THSD7B: variants seen among roughly 807,000 people sequenced by gnomAD.
THSD7B encodes thrombospondin type-1 domain-containing protein 7B.
In THSD7B, 138 loss-of-function variants were observed where a neutral mutation model predicts 213.6. That is an observed-to-expected ratio of 0.65 (90% CI 0.56 to 0.74). THSD7B has a LOEUF of 0.74. Among genes scored for constraint, THSD7B ranks in the 30% least tolerant of loss-of-function variants. The probability of loss-of-function intolerance (pLI) is 0.00; values close to 1 mark genes in which losing one functional copy is unlikely to be tolerated. For synonymous variants in THSD7B, 742 were observed against 687.0 expected (o/e 1.08, Z -1.25); for missense variants, 1,931 against 1,991.5 (o/e 0.97, Z 0.58).
At position 137,094,787 on chromosome 2, in the gene THSD7B, G is replaced by GT. The variant is rs536817307; in HGVS notation, c.951-78dup. ...TTAAACGCTTAAATCAAATTTCAGA[G>GT]TTTTTTTTCTCATGGTAGGCACTTT... On this transcript the variant is annotated intron_variant, in intron 3 of 27. Transcript: ENST00000409968. The GT allele has an allele frequency of 2.9e-4, 431 of 1,487,176 alleles. 1 individual carries two copies. In the African/African-American group the frequency reaches 4.7e-3, roughly 16 times the overall value. The allele number at this position is 1,487,176 out of a possible 1,614,324, so 92.1% of individuals were successfully genotyped here.
chr2:137,315,497 C>T lies in THSD7B; in HGVS notation c.2500+39471C>T, dbSNP rs372079056. Among the ~76,000 whole-genome samples the T allele has an allele frequency of 2.8e-4, 43 of 152,184 alleles. No homozygotes were observed. The East Asian group carries it at 4.1e-3, about 14-fold the overall frequency. Reference sequence around the variant, plus strand: ...GTCGCTCATGCTGGGAGCTGTAGACCGGAGCTGTTCCTATTCAGCCATCTT... The same window carrying T: ...GTCGCTCATGCTGGGAGCTGTAGACTGGAGCTGTTCCTATTCAGCCATCTT... On this transcript the variant is annotated intron_variant, in intron 12 of 27. Coordinates refer to ENST00000409968, the MANE Select transcript of THSD7B (RefSeq NM_001316349.2).
intron 1 of THSD7B, among the ~76,000 whole-genome samples, chr2:136,855,595 T>TTTA (rs1558827419): frequency 3.0e-5 from 4 of 133,614 alleles, no homozygotes; most frequent in African/African-American, 1.1e-4. Context: ...CCGGCTATTA[T>TTTA]TTATTTATTA....
intron 3 of THSD7B, among the ~76,000 whole-genome samples, chr2:137,066,252 C>T (rs1460851208): frequency 7.1e-6 from 1 of 140,216 alleles, no homozygotes; most frequent in Non-Finnish European, 1.5e-5. Flanking sequence ...AGTGCGGTGG[C>T]ATAATCTCGG....
In THSD7B at chr2:137,041,590, G is replaced by T. The variant is rs148433149; in HGVS notation, c.140-14830G>T. 2.0e-5 allele frequency among the ~76,000 whole-genome samples: 3 copies of T among 149,476 alleles called. No individual in the cohort carries two copies. In the South Asian group the frequency reaches 6.3e-4, roughly 32 times the overall value. ...TATACTAACAAAAACTACATCGTAC[G>T]TAAGAAACAGAATTGGCTTAAATAT... On this transcript the variant is annotated intron_variant, in intron 2 of 27. Transcript: ENST00000409968.
intron 15 of THSD7B, among the ~76,000 whole-genome samples, chr2:137,560,688 G>A (rs1275898195): frequency 1.3e-5 from 2 of 151,982 alleles, no homozygotes; most frequent in Non-Finnish European, 2.9e-5. Context: ...TTGTGCACAT[G>A]TACCCTAGAA....
intron 1 of THSD7B, among the ~76,000 whole-genome samples, chr2:136,834,211 T>C (rs1015256156): frequency 2.0e-5 from 3 of 152,206 alleles, no homozygotes; most frequent in African/African-American, 7.2e-5. Context: ...ACCCAGCCCC[T>C]GGTCAGCATC....
chr2:137,505,459 G>A (rs1679812152), intron 15 of THSD7B, among the ~76,000 whole-genome samples: 1 of 152,116 alleles, frequency 6.6e-6, no homozygotes. Flanking sequence ...TGGATTCATT[G>A]CTGTTCCATT....
At chr2:137,624,641 A>C (rs1209520054) in intron 20 of THSD7B, among the ~76,000 whole-genome samples, 2 of 152,228 alleles carry the variant, frequency 1.3e-5, no homozygotes, top group East Asian at 3.8e-4. Flanking sequence ...AAAATCAAAC[A>C]ACCTCATCAA....
At chr2:137,195,079 A>G (rs550808377) in intron 7 of THSD7B, among the ~76,000 whole-genome samples, 3 of 152,160 alleles carry the variant, frequency 2.0e-5, no homozygotes, top group African/African-American at 7.2e-5. Context: ...ACATGATTCT[A>G]TTTTGTGAAT....
chr2:137,534,017 C>T (rs944771956), intron 15 of THSD7B, among the ~76,000 whole-genome samples: 15 of 89,628 alleles, frequency 1.7e-4, no homozygotes, highest in South Asian at 1.5e-3. Flanking sequence ...TGTGTGTGCG[C>T]GCACACACAC....
chr2:137,426,848 TGAA>T (rs1687067005), intron 14 of THSD7B, among the ~76,000 whole-genome samples: 1 of 152,010 alleles, frequency 6.6e-6, no homozygotes, highest in African/African-American at 2.4e-5. Context: ...ATCAATAAAA[TGAA>T]GAGGCATCCC....
chr2:137,049,452 T>C (rs959009466), intron 2 of THSD7B, among the ~76,000 whole-genome samples: 2 of 152,232 alleles, frequency 1.3e-5, no homozygotes, highest in South Asian at 2.1e-4. Context: ...TGCATTGATG[T>C]CCTCAATTGC....
chr2:136,915,740 T>G (rs879376046), intron 2 of THSD7B, among the ~76,000 whole-genome samples: 1 of 152,198 alleles, frequency 6.6e-6, no homozygotes, highest in Non-Finnish European at 1.5e-5. Context: ...GGTGCCAAGG[T>G]TCAAACCCAC....
chr2:137,035,067 G>A (rs1029459965), intron 2 of THSD7B, among the ~76,000 whole-genome samples: 1 of 152,204 alleles, frequency 6.6e-6, no homozygotes, highest in Non-Finnish European at 1.5e-5. Flanking sequence ...GTGCTACAAT[G>A]TTGTCTAGGA....
At position 137,491,270 on chromosome 2, in the gene THSD7B, G is replaced by A. The variant is rs536631565; in HGVS notation, c.3138+40247G>A. Among the ~76,000 whole-genome samples, 412 of 152,228 alleles carry A rather than the reference G, an allele frequency of 2.7e-3. 2 individuals carry two copies. The highest frequency in any genetic ancestry group is 9.5e-3 in the African/African-American group (394 of 41,540). On this transcript the variant is annotated intron_variant, in intron 15 of 27. Transcript: ENST00000409968. Reference sequence around the variant, plus strand: ...TCCTTTTTTCCCCTTAGCTAGATTTGAAATGAGGGAAATGTGAAGAGGGAT... The same window carrying A: ...TCCTTTTTTCCCCTTAGCTAGATTTAAAATGAGGGAAATGTGAAGAGGGAT...
At chr2:137,028,994 A>G (rs1301647655) in intron 2 of THSD7B, among the ~76,000 whole-genome samples, 1 of 151,826 alleles carries the variant, frequency 6.6e-6, no homozygotes, top group Non-Finnish European at 1.5e-5. Flanking sequence ...ATTTTATAAA[A>G]TTAAAATATA....
chr2:136,832,865 C>T (rs987432173), intron 1 of THSD7B, among the ~76,000 whole-genome samples: 7 of 152,176 alleles, frequency 4.6e-5, no homozygotes, highest in African/African-American at 1.7e-4. Context: ...TCTTCTACCA[C>T]TCTTGAAGCC....
At chr2:137,576,020 A>G (rs1355150295) in intron 17 of THSD7B, among the ~76,000 whole-genome samples, 1 of 152,136 alleles carries the variant, frequency 6.6e-6, no homozygotes, top group African/African-American at 2.4e-5. Context: ...GATTATTCAT[A>G]GAATCATCTA....
At chr2:137,612,168 A>C (rs1309537825) in intron 17 of THSD7B, among the ~76,000 whole-genome samples, 1 of 152,230 alleles carries the variant, frequency 6.6e-6, no homozygotes, top group Non-Finnish European at 1.5e-5. Context: ...CACCATGTAC[A>C]GTGTACTAGT....
Sources: gnomAD v4.1 joint callset for allele counts (sites outside exome capture counted in the v4.1 genomes callset) on GRCh38, gnomAD v4.1.1 for gene constraint, MANE v1.5 for transcripts, NCBI Gene and HGNC (gene_info 2026-07-23, HGNC 2026-07-21) for gene names.